The following ARIH1 variants were observed in gnomAD, a reference collection of about 807,000 sequenced individuals.
ARIH1 encodes the protein ariadne RBR E3 ubiquitin protein ligase 1.
ARIH1 carries 8 observed loss-of-function variants against 85.0 expected under a neutral mutation model. That is an observed-to-expected ratio of 0.09 (90% CI 0.06 to 0.17). The LOEUF (loss-of-function observed/expected upper bound fraction) is 0.17. Among genes scored for constraint, ARIH1 ranks in the 10% least tolerant of loss-of-function variants. ARIH1 has a pLI of 1.00. For missense variants in ARIH1, 311 were observed against 718.1 expected, an observed-to-expected ratio of 0.43 and a Z score of 6.48; for synonymous variants, 238 against 253.6, an observed-to-expected ratio of 0.94 and a Z score of 0.59.
chr15:72,519,887 C>T (rs185838923), intron 2 of ARIH1, among the ~76,000 whole-genome samples: 3 of 152,166 alleles, frequency 2.0e-5, no homozygotes, highest in African/African-American at 4.8e-5. Context: ...GAGTTTTTAT[C>T]GTTTACTTGT....
rs1014118994 is a variant in ARIH1 at position 72,474,867 on chromosome 15, C to CGGCGGT, written c.234_239dup (p.Gly89_Gly90dup). 30 of 1,412,970 alleles carry CGGCGGT rather than the reference C, an allele frequency of 2.1e-5. No individual in the cohort carries two copies. The highest frequency in any genetic ancestry group is 2.7e-5 in the Non-Finnish European group (29 of 1,076,648). The allele number at this position is 1,412,970 out of a possible 1,614,324, so 87.5% of individuals were successfully genotyped here. On this transcript the variant is annotated inframe_insertion, in exon 1 of 14. Coordinates refer to ENST00000379887, the MANE Select transcript of ARIH1 (RefSeq NM_005744.5). ...GTGGCGGCGGCAGCGCTCTGGGGCC[C>CGGCGGT]GGCGGTGGCGGCGGCGGCGGCGGCG...
At chr15:72,554,902 C>T (rs577101096) in intron 3 of ARIH1, among the ~76,000 whole-genome samples, 13 of 152,182 alleles carry the variant, frequency 8.5e-5, no homozygotes, top group South Asian at 6.2e-4. Flanking sequence ...TACAGGCGTG[C>T]GTCATGATGG....
At chr15:72,537,301 C>A (rs1447520764) in intron 2 of ARIH1, among the ~76,000 whole-genome samples, 1 of 152,076 alleles carries the variant, frequency 6.6e-6, no homozygotes, top group Non-Finnish European at 1.5e-5. Flanking sequence ...GCAGTAATAT[C>A]TTTTAATTTG....
intron 2 of ARIH1, among the ~76,000 whole-genome samples, chr15:72,537,491 AT>A (rs1197559427): frequency 3.9e-5 from 6 of 152,118 alleles, no homozygotes; most frequent in Non-Finnish European, 8.8e-5. Context: ...TTATTTTAGT[AT>A]TTTTTATGAC....
chr15:72,554,116 A>G (rs890902482), intron 3 of ARIH1, among the ~76,000 whole-genome samples: 3 of 152,126 alleles, frequency 2.0e-5, no homozygotes, highest in Non-Finnish European at 4.4e-5. Context: ...TTTTTTCTTC[A>G]GTTGATGGAC....
intron 2 of ARIH1, among the ~76,000 whole-genome samples, chr15:72,520,649 T>C (rs2063995507): frequency 1.3e-5 from 2 of 152,202 alleles, no homozygotes; most frequent in Non-Finnish European, 2.9e-5. Context: ...TTCAAATTTA[T>C]ATATGTATTC....
intron 1 of ARIH1, chr15:72,475,267 T>A: frequency 2.7e-6 from 2 of 730,734 alleles, no homozygotes; most frequent in Non-Finnish European, 3.9e-6. Context: ...TTCGGTCGCC[T>A]AAGCCTTCTC....
intron 8 of ARIH1, 24 bp from the exon 9 acceptor site, chr15:72,567,082 C>G (rs761126725): frequency 1.3e-6 from 2 of 1,576,314 alleles, no homozygotes; most frequent in Non-Finnish European, 1.7e-6. Context: ...TTGTTGTATC[C>G]TAACCGTTGT....
At position 72,520,856 on chromosome 15, in the gene ARIH1, CT is replaced by C. The variant is rs547723065; in HGVS notation, c.443+2727del. 2.7e-5 allele frequency among the ~76,000 whole-genome samples: 4 copies of C among 145,590 alleles called. No individual in the cohort carries two copies. In the South Asian group the frequency reaches 8.6e-4, roughly 31 times the overall value. On this transcript the variant is annotated intron_variant, in intron 2 of 13. Transcript: ENST00000379887. ...ATGTTTGAATTTTTTTTTTTCTTTT[CT>C]TTTTGAAACAGGGTCTCACTCTGTC... is the stretch of plus-strand genomic sequence containing the variant.
rs1180022863 is a variant in ARIH1 at position 72,474,370 on chromosome 15, G to C, written c.-270G>C. 3 of 468,424 alleles carry C rather than the reference G, an allele frequency of 6.4e-6. No homozygotes were observed. The highest frequency in any genetic ancestry group is 2.4e-5 in the South Asian group (1 of 41,756). 29.0% of individuals were successfully genotyped at this position (468,424 alleles called of 1,614,324 possible). A position where few individuals can be genotyped will look rare whatever the true frequency, so the allele number is the denominator to read the frequency against. ...GGCCGTGGAGGTGGCGTTGGGGACTGTTTTCTCTCGGAGGCCGGAGCGGAG... is the reference window on the plus strand; with the variant it reads ...GGCCGTGGAGGTGGCGTTGGGGACTCTTTTCTCTCGGAGGCCGGAGCGGAG... On this transcript the variant is annotated 5_prime_UTR_variant, in exon 1 of 14. Coordinates refer to ENST00000379887, the MANE Select transcript of ARIH1 (RefSeq NM_005744.5).
rs1275106245 is a variant in ARIH1, at chr15:72,593,976, A to G, written c.*10684A>G. On this transcript the variant is annotated 3_prime_UTR_variant, in exon 14 of 14. Transcript: ENST00000379887. ...TTTTGTTGAGTCTATAGGTCAATTTAGAATGAACATTTTAATAGTATTGAG... is the reference window on the plus strand; with the variant it reads ...TTTTGTTGAGTCTATAGGTCAATTTGGAATGAACATTTTAATAGTATTGAG... 1 of 151,730 alleles carries G rather than the reference A, an allele frequency of 6.6e-6. No homozygotes were observed. Among genetic ancestry groups the G allele is most frequent in the Non-Finnish European group, 1.5e-5 (1 of 67,946 alleles). 9.4% of individuals were successfully genotyped at this position (151,730 alleles called of 1,614,324 possible).
intron 9 of ARIH1, among the ~76,000 whole-genome samples, chr15:72,569,524 T>TG (rs2064234632): frequency 2.0e-5 from 3 of 152,180 alleles, no homozygotes; most frequent in Non-Finnish European, 4.4e-5. Context: ...GATCCTGACT[T>TG]GACTTATGTG....
In ARIH1 at chr15:72,591,210, ACT is replaced by A. The variant is rs1308162664; in HGVS notation, c.*7921_*7922del. 1.6e-5 allele frequency: 2 copies of A among 126,634 alleles called. No homozygotes were observed. Among genetic ancestry groups the A allele is most frequent in the Non-Finnish European group, 3.2e-5 (2 of 62,600 alleles). The allele number at this position is 126,634 out of a possible 1,614,324, so 7.8% of individuals were successfully genotyped here. On this transcript the variant is annotated 3_prime_UTR_variant, in exon 14 of 14. Coordinates refer to ENST00000379887, the MANE Select transcript of ARIH1 (RefSeq NM_005744.5). ...GCACTCCAGCCTGGGCGACAGAGAGACTCTGTCTCAAAAAAAAAAAAAAAAAA... is the reference window on the plus strand; with the variant it reads ...GCACTCCAGCCTGGGCGACAGAGAGACTGTCTCAAAAAAAAAAAAAAAAAA...
At chr15:72,557,219 G>A (rs558668181) in intron 5 of ARIH1, among the ~76,000 whole-genome samples, 1 of 152,048 alleles carries the variant, frequency 6.6e-6, no homozygotes, top group East Asian at 1.9e-4. Context: ...GTGATTAGTG[G>A]TGTTGAGCAT....
At chr15:72,475,192 G>T (rs2063789569) in intron 1 of ARIH1, 178 bp downstream of exon 1, 3 of 1,315,628 alleles carry the variant, frequency 2.3e-6, no homozygotes, top group Non-Finnish European at 2.0e-6. Context: ...GAGGTTCGCC[G>T]ATTAGCCGGG....
chr15:72,495,135 G>A (rs796608991), intron 1 of ARIH1, among the ~76,000 whole-genome samples: 1 of 152,094 alleles, frequency 6.6e-6, no homozygotes, highest in African/African-American at 2.4e-5. Context: ...CCCTTATACT[G>A]TGTGGTATCA....
chr15:72,524,518 T>C (rs1341805045), intron 2 of ARIH1, among the ~76,000 whole-genome samples: 17 of 152,178 alleles, frequency 1.1e-4, no homozygotes. Flanking sequence ...TGGTCCACTT[T>C]TACATACATT....
Position 72,600,095 on chromosome 15 carries a change from T to A in ARIH1, c.*16803T>A, listed in dbSNP as rs2064377094. On this transcript the variant is annotated 3_prime_UTR_variant, in exon 14 of 14. Coordinates refer to ENST00000379887, the MANE Select transcript of ARIH1 (RefSeq NM_005744.5). ...CAAAGCTGGCTATGGACCTTGTCAG[T>A]ACAAATGATAAAACATTAAAAATGT... 1 of 152,198 alleles carries A rather than the reference T, an allele frequency of 6.6e-6. No homozygotes were observed. The highest frequency in any genetic ancestry group is 2.4e-5 in the African/African-American group (1 of 41,440). 9.4% of individuals were successfully genotyped at this position (152,198 alleles called of 1,614,324 possible). A position where few individuals can be genotyped will look rare whatever the true frequency, so the allele number is the denominator to read the frequency against.
At chr15:72,523,700 C>CT (rs2064011057) in intron 2 of ARIH1, among the ~76,000 whole-genome samples, 1 of 152,092 alleles carries the variant, frequency 6.6e-6, no homozygotes, top group South Asian at 2.1e-4. Context: ...ATGTACCACT[C>CT]TGTGTTGTTG....
Sources: gnomAD v4.1 joint callset for allele counts (sites outside exome capture counted in the v4.1 genomes callset) on GRCh38, gnomAD v4.1.1 for gene constraint, MANE v1.5 for transcripts, NCBI Gene and HGNC (gene_info 2026-07-23, HGNC 2026-07-21) for gene names.